The following NEK6 variants were observed in gnomAD, a reference collection of about 807,000 sequenced individuals.
NEK6 encodes NIMA related kinase 6, also known as serine/threonine-protein kinase Nek6.
Under a neutral mutation model 43.5 loss-of-function variants are expected in NEK6, and 27 were observed. The observed-to-expected ratio is 0.62, with a 90% CI of 0.46 to 0.86. NEK6 has a LOEUF of 0.86. Ranked by LOEUF, NEK6 falls within the 40% of genes least tolerant of loss-of-function variation. The pLI, the probability that NEK6 is intolerant of heterozygous loss-of-function variation, is 0.00. For synonymous variants in NEK6, 167 were observed against 164.1 expected (o/e 1.02, Z -0.14); for missense variants, 318 against 414.4 (o/e 0.77, Z 2.02).
At chr9:124,312,723 C>T (rs1300247127) in intron 3 of NEK6, 74 bp downstream of exon 3, 18 of 1,484,056 alleles carry the variant, frequency 1.2e-5, no homozygotes, top group Admixed American at 7.6e-5. Context: ...GTGCCCGGGC[C>T]AGTCCCTTCT....
At chr9:124,314,424 A>G (rs1313851075) in intron 4 of NEK6, among the ~76,000 whole-genome samples, 1 of 147,062 alleles carries the variant, frequency 6.8e-6, no homozygotes, top group East Asian at 2.0e-4. Flanking sequence ...TCTCTTTCTC[A>G]TCCTCTTTCC....
At chr9:124,269,679 G>A (rs1227388313) in intron 1 of NEK6, among the ~76,000 whole-genome samples, 1 of 152,190 alleles carries the variant, frequency 6.6e-6, no homozygotes, top group Non-Finnish European at 1.5e-5. Context: ...GGATTGGAAG[G>A]CACAAGGAAT....
chr9:124,322,281 GCAGGCTCAGCGC>G (rs1834104926), intron 5 of NEK6, among the ~76,000 whole-genome samples: 1 of 152,092 alleles, frequency 6.6e-6, no homozygotes, highest in Non-Finnish European at 1.5e-5. Flanking sequence ...AGTCACATGG[GCAGGCTCAGCGC>G]CAGGACTGGC....
intron 2 of NEK6, among the ~76,000 whole-genome samples, chr9:124,311,017 A>G (rs1409276487): frequency 6.6e-6 from 1 of 152,234 alleles, no homozygotes; most frequent in African/African-American, 2.4e-5. Context: ...CTCTGGGAGA[A>G]GGACAGAGGA....
intron 1 of NEK6, chr9:124,258,336 C>G: frequency 2.0e-6 from 2 of 985,186 alleles, no homozygotes; most frequent in East Asian, 1.1e-4. Context: ...CGTGTGCACC[C>G]CGGAGCGTCT....
rs1299505269 is a variant in NEK6 at position 124,352,262 on chromosome 9, C to A, written c.*1315C>A. The A allele has an allele frequency of 2.0e-5, 3 of 152,286 alleles. No homozygotes were observed. Among genetic ancestry groups the A allele is most frequent in the African/African-American group, 7.2e-5 (3 of 41,434 alleles). The allele number at this position is 152,286 out of a possible 1,614,324, so 9.4% of individuals were successfully genotyped here. On this transcript the variant is annotated 3_prime_UTR_variant, in exon 10 of 10. Coordinates refer to ENST00000320246, the MANE Select transcript of NEK6 (RefSeq NM_014397.6). ...TGCCTGCAGGCATTCACTGACCAGG[C>A]CTTTCCTGGAGGAAACACCCAGGGC...
At chr9:124,269,337 C>G (rs1015046049) in intron 1 of NEK6, among the ~76,000 whole-genome samples, 3 of 152,076 alleles carry the variant, frequency 2.0e-5, no homozygotes. Flanking sequence ...GAAAACCCCC[C>G]ACCCCTGCCT....
intron 1 of NEK6, among the ~76,000 whole-genome samples, chr9:124,281,719 G>A (rs920558790): frequency 2.0e-5 from 3 of 151,988 alleles, no homozygotes; most frequent in Admixed American, 6.6e-5. Context: ...GGCTGATCTC[G>A]AACTCCCGAC....
chr9:124,302,731 C>T (rs567500595), intron 2 of NEK6, among the ~76,000 whole-genome samples: 1 of 152,360 alleles, frequency 6.6e-6, no homozygotes, highest in East Asian at 1.9e-4. Context: ...ACCTCCACTT[C>T]CACCCTGCTC....
At chr9:124,311,165 C>T (rs946334319) in intron 2 of NEK6, among the ~76,000 whole-genome samples, 1 of 152,196 alleles carries the variant, frequency 6.6e-6, no homozygotes, top group African/African-American at 2.4e-5. Flanking sequence ...AGGGCCAGTC[C>T]TGTAGTTCTC....
At chr9:124,288,372 T>C (rs1832254054) in intron 1 of NEK6, among the ~76,000 whole-genome samples, 1 of 152,162 alleles carries the variant, frequency 6.6e-6, no homozygotes, top group Non-Finnish European at 1.5e-5. Context: ...GTTCAAGTGA[T>C]TCTCCTGAAT....
rs142219150 is a variant in NEK6 at position 124,267,881 on chromosome 9, T to C, written c.-30+9796T>C. On this transcript the variant is annotated intron_variant, in intron 1 of 9. Coordinates refer to ENST00000320246, the MANE Select transcript of NEK6 (RefSeq NM_014397.6). ...CACCTTTCACTCGCACAGACCTTTA[T>C]GGTGTTCTGTGTCTTCAGACATTGA... is the stretch of plus-strand genomic sequence containing the variant. Among the ~76,000 whole-genome samples, 4 of 152,220 alleles carry C rather than the reference T, an allele frequency of 2.6e-5. No homozygotes were observed. The East Asian group carries it at 7.8e-4, about 30-fold the overall frequency.
upstream of NEK6, chr9:124,257,758 G>C: frequency 6.6e-7 from 1 of 1,510,808 alleles, no homozygotes. Context: ...CTCTGAAATG[G>C]GGAAGGGGTT....
intron 2 of NEK6, among the ~76,000 whole-genome samples, chr9:124,306,286 A>G (rs528163298): frequency 6.6e-6 from 1 of 152,178 alleles, no homozygotes; most frequent in South Asian, 2.1e-4. Context: ...AGCTGGTTCC[A>G]TATCATCTTT....
intron 4 of NEK6, among the ~76,000 whole-genome samples, chr9:124,319,447 CTTTCA>C (rs1430500031): frequency 1.6e-4 from 24 of 152,124 alleles, no homozygotes; most frequent in African/African-American, 5.8e-4. Context: ...TGCAGAAGCT[CTTTCA>C]TTTAATTATG....
At chr9:124,273,746 G>A (rs965719146) in intron 1 of NEK6, among the ~76,000 whole-genome samples, 38 of 152,328 alleles carry the variant, frequency 2.5e-4, no homozygotes, top group Admixed American at 2.3e-3. Context: ...TCTGAGTGGC[G>A]GCTCGCAGCC....
At position 124,275,887 on chromosome 9, in the gene NEK6, A is replaced by T. The variant is rs945306014; in HGVS notation, c.-30+17802A>T. The stretch of plus-strand genomic sequence containing the variant: ...AAGCCCAGGCCTTTTCTGGGGACAG[A>T]TAGGTCAGCGGGACGGATGGAACCA... On this transcript the variant is annotated intron_variant, in intron 1 of 9. Transcript: ENST00000320246. This position sits in a 1 kb window ranked among gnomAD's most constrained non-coding sequence, Gnocchi z 4.4. 6.6e-6 allele frequency among the ~76,000 whole-genome samples: 1 copy of T among 152,224 alleles called. No homozygotes were observed. The highest frequency in any genetic ancestry group is 6.5e-5 in the Admixed American group (1 of 15,286).
At chr9:124,274,226 C>A (rs559357486) in intron 1 of NEK6, among the ~76,000 whole-genome samples, 9 of 152,392 alleles carry the variant, frequency 5.9e-5, no homozygotes, top group South Asian at 2.1e-4. Context: ...CTGCTTCCTG[C>A]GCATGTCCCG....
intron 8 of NEK6, among the ~76,000 whole-genome samples, chr9:124,340,028 C>T (rs577579936): frequency 6.6e-6 from 1 of 152,212 alleles, no homozygotes; most frequent in African/African-American, 2.4e-5. Context: ...AGGCCCGGTG[C>T]AGGGCACCTG....
Sources: gnomAD v4.1 joint callset for allele counts (sites outside exome capture counted in the v4.1 genomes callset) on GRCh38, gnomAD v4.1.1 for gene constraint, Gnocchi (gnomAD v3.1) non-coding constraint, MANE v1.5 for transcripts, NCBI Gene and HGNC (gene_info 2026-07-23, HGNC 2026-07-21) for gene names.